MAGT1: variants seen among roughly 807,000 people sequenced by gnomAD.
MAGT1 encodes the protein magnesium transporter 1, also known as dolichyl-diphosphooligosaccharide--protein glycosyltransferase subunit MAGT1.
In MAGT1, 4 loss-of-function variants were observed where a neutral mutation model predicts 28.4. The observed-to-expected ratio is 0.14, with a 90% CI of 0.07 to 0.32. The LOEUF (loss-of-function observed/expected upper bound fraction) is 0.32, where lower values mean the gene tolerates loss of function less well. MAGT1 is among the 10% of genes least tolerant of loss of function. MAGT1 has a pLI of 1.00. For missense variants in MAGT1, 193 were observed against 264.5 expected (o/e 0.73, Z 1.88); for synonymous variants, 89 against 89.7 (o/e 0.99, Z 0.04).
chrX:77,885,952 C>G (rs2077066943), intron 1 of MAGT1, among the ~76,000 whole-genome samples: 1 of 111,312 alleles, frequency 9.0e-6, no homozygotes, highest in South Asian at 3.7e-4. Context: ...TGCACTGAAA[C>G]TTGGGTGACA....
intron 7 of MAGT1, among the ~76,000 whole-genome samples, chrX:77,851,734 C>T (rs1428040104): frequency 1.8e-5 from 2 of 110,409 alleles, no homozygotes; most frequent in South Asian, 3.9e-4. Context: ...CCAGGCTGGC[C>T]GCGAACTCCT....
Position 77,840,704 on chromosome X carries a change from C to T in MAGT1, c.901+542G>A, listed in dbSNP as rs193176620. On this transcript the variant is annotated intron_variant, in intron 8 of 9. Coordinates refer to ENST00000618282, the MANE Select transcript of MAGT1 (RefSeq NM_001367916.1). The stretch of plus-strand genomic sequence containing the variant: ...CAAAAAGTACAAAATATAAGCTGGG[C>T]ATGGTGGCACATGCCTGTAGTCCCA... Among the ~76,000 whole-genome samples the T allele has an allele frequency of 9.0e-5, 10 of 110,693 alleles. No homozygotes were observed. The East Asian group carries it at 2.0e-3, about 22-fold the overall frequency.
intron 3 of MAGT1, chrX:77,868,248 A>G (rs1449539496): frequency 4.4e-5 from 3 of 67,606 alleles, no homozygotes; most frequent in African/African-American, 1.0e-4. Context: ...AATATGTTCA[A>G]ATATATGAAT....
At chrX:77,831,840 G>A (rs2076899442) in intron 8 of MAGT1, among the ~76,000 whole-genome samples, 1 of 107,100 alleles carries the variant, frequency 9.3e-6, no homozygotes, top group Non-Finnish European at 1.9e-5. Flanking sequence ...GTGATCTTCC[G>A]CTTCAGCCTC....
chrX:77,830,617 AAAATAAAT>A (rs1196992466), intron 9 of MAGT1, among the ~76,000 whole-genome samples, 180 bp downstream of exon 9: 1 of 110,332 alleles, frequency 9.1e-6, no homozygotes, highest in East Asian at 2.8e-4. Flanking sequence ...CTCCATCTCA[AAAATAAAT>A]AAATAAATAA....
chrX:77,842,227 T>C (rs1425737151), intron 7 of MAGT1, among the ~76,000 whole-genome samples: 3 of 109,196 alleles, frequency 2.7e-5, no homozygotes, highest in East Asian at 5.8e-4. Context: ...ACCCTGTTTC[T>C]ACCAAAAAAT....
intron 6 of MAGT1, 60 bp from the exon 7 acceptor site, chrX:77,854,024 AC>A (rs2076975317): frequency 1.2e-6 from 1 of 865,057 alleles, no homozygotes; most frequent in Non-Finnish European, 1.7e-6. Context: ...TGGTATGCTA[AC>A]CCTAAAACGG....
intron 3 of MAGT1, among the ~76,000 whole-genome samples, chrX:77,860,458 T>C (rs782359731): frequency 1.8e-5 from 2 of 111,951 alleles, no homozygotes; most frequent in Non-Finnish European, 3.8e-5. Flanking sequence ...GGAGGAATTA[T>C]CTGTAAATCA....
intron 1 of MAGT1, among the ~76,000 whole-genome samples, chrX:77,876,132 T>TTATATATATATATATATA (rs1222026237): frequency 1.2e-4 from 4 of 34,075 alleles, no homozygotes; most frequent in African/African-American, 3.2e-4. Flanking sequence ...CACCTGGCCT[T>TTATATATATATATATATA]TATATATATA....
chrX:77,872,059 T>G (rs2077021787), intron 2 of MAGT1, among the ~76,000 whole-genome samples: 2 of 109,853 alleles, frequency 1.8e-5, no homozygotes, highest in South Asian at 7.9e-4. Context: ...CCTTCTTTTT[T>G]TTTGAGACAG....
Position 77,828,884 on chromosome X carries a change from A to C in MAGT1, c.*336T>G. ...AAGGCAATATAAAATCAGATGACCA[A>C]GTTAACTAAAGTAGTTTTGAGCTTT... is the stretch of plus-strand genomic sequence containing the variant. On this transcript the variant is annotated 3_prime_UTR_variant, in exon 10 of 10. Transcript: ENST00000618282. 1 of 176,182 alleles carries C rather than the reference A, an allele frequency of 5.7e-6. No homozygotes were observed. Among genetic ancestry groups the C allele is most frequent in the Non-Finnish European group, 1.1e-5 (1 of 94,470 alleles). The allele number at this position is 176,182 out of a possible 1,213,427, so 14.5% of individuals were successfully genotyped here.
At chrX:77,846,846 G>C (rs371942371) in intron 7 of MAGT1, among the ~76,000 whole-genome samples, 43 of 111,914 alleles carry the variant, frequency 3.8e-4, no homozygotes, top group African/African-American at 1.3e-3. Context: ...TGTCCCTACT[G>C]GGGGATGCCT....
chrX:77,832,799 G>A (rs2076902393), intron 8 of MAGT1, among the ~76,000 whole-genome samples: 1 of 81,798 alleles, frequency 1.2e-5, no homozygotes, highest in Non-Finnish European at 2.2e-5. Flanking sequence ...CTCCAGCCTA[G>A]GCGAAAAAGC....
intron 2 of MAGT1, among the ~76,000 whole-genome samples, chrX:77,874,278 C>A (rs1355847002): frequency 9.5e-6 from 1 of 105,470 alleles, no homozygotes; most frequent in African/African-American, 3.4e-5. Flanking sequence ...CTACCACACC[C>A]AGCTGCATCT....
chrX:77,855,068 C>A (rs183586398), intron 6 of MAGT1, among the ~76,000 whole-genome samples: 5 of 111,569 alleles, frequency 4.5e-5, no homozygotes, highest in Non-Finnish European at 9.4e-5. Context: ...ATTCCCAGCA[C>A]TTTGGGAGGC....
chrX:77,855,540 T>G lies in MAGT1; in HGVS notation c.723A>C (p.Gly241=). The G allele has an allele frequency of 8.3e-7, 1 of 1,208,598 alleles. No homozygotes were observed. The highest frequency in any genetic ancestry group is 1.1e-6 in the Non-Finnish European group (1 of 893,037). The change falls in exon 6 of 10, where the codon GGA becomes GGC. Residue 241 remains glycine, a synonymous_variant. Coordinates refer to ENST00000618282, the MANE Select transcript of MAGT1 (RefSeq NM_001367916.1). The part of the protein sequence containing the change: ...TSGQMWNHIR[G]PPYAHKNPHT... ...GGGGATTCTTATGGGCATATGGTGG[T>G]CCTCTTATATGGTTCCACATTTGAC...
chrX:77,848,510 C>T (rs1189881856), intron 7 of MAGT1, among the ~76,000 whole-genome samples: 2 of 110,732 alleles, frequency 1.8e-5, no homozygotes, highest in Non-Finnish European at 3.8e-5. Flanking sequence ...TCTTTTTCTT[C>T]GTATTTTCAG....
intron 1 of MAGT1, among the ~76,000 whole-genome samples, chrX:77,891,368 T>C (rs1204401602): frequency 1.6e-5 from 1 of 63,999 alleles, no homozygotes; most frequent in East Asian, 5.5e-4. Context: ...CTGGGGTGGG[T>C]AGAGATGAGT....
At chrX:77,872,358 C>A (rs1285406255) in intron 2 of MAGT1, among the ~76,000 whole-genome samples, 1 of 111,666 alleles carries the variant, frequency 9.0e-6, no homozygotes, top group East Asian at 2.8e-4. Flanking sequence ...CCAATCCTTA[C>A]ACTGCAATAT....
Sources: allele counts gnomAD v4.1 joint callset (sites outside exome capture counted in the v4.1 genomes callset), GRCh38; gene constraint gnomAD v4.1.1; transcripts MANE v1.5; gene names NCBI Gene and HGNC (gene_info 2026-07-23, HGNC 2026-07-21).